The following FAM13A variants were observed in gnomAD, a reference collection of about 807,000 sequenced individuals.
FAM13A encodes protein FAM13A.
FAM13A carries 76 observed loss-of-function variants against 129.6 expected under a neutral mutation model. The ratio of observed to expected loss-of-function variants is 0.59; its 90% confidence interval spans 0.49 to 0.71. The LOEUF (loss-of-function observed/expected upper bound fraction) is 0.71. FAM13A is among the 30% of genes least tolerant of loss of function. The pLI is 0.00. For synonymous variants in FAM13A, 443 were observed against 449.9 expected (o/e 0.98, Z 0.20); for missense variants, 1,108 against 1,249.3 (o/e 0.89, Z 1.70).
At chr4:88,925,935 G>A (rs531554570) in intron 5 of FAM13A, among the ~76,000 whole-genome samples, 3 of 152,198 alleles carry the variant, frequency 2.0e-5, no homozygotes, top group Non-Finnish European at 2.9e-5. Flanking sequence ...GGTAGTATTT[G>A]AGATGTCTCA....
intron 19 of FAM13A, 46 bp from the exon 20 acceptor site, chr4:88,739,171 C>G (rs781378526): frequency 1.5e-6 from 2 of 1,303,432 alleles, no homozygotes; most frequent in Admixed American, 3.4e-5. Flanking sequence ...TGCTGGGAGT[C>G]ACAACCAGCT....
At position 89,029,486 on chromosome 4, in the gene FAM13A, T is replaced by C; in HGVS notation, c.191A>G (p.Asn64Ser). ...TENGIPAVVW[N>S]IVEYLTQHGL... is the part of the protein sequence containing the mutation. ...ATGCTGCGTCAAATATTCCACTATA[T>C]TCCACACTACTGCTGGAATGCCATT... Residue 64 changes from asparagine (N) to serine (S), a missense_variant, in exon 2 of 24, where the codon AAT (asparagine) becomes AGT (serine). Coordinates refer to ENST00000264344, the MANE Select transcript of FAM13A (RefSeq NM_014883.4). 6.3e-7 allele frequency: 1 copy of C among 1,599,076 alleles called. No homozygotes were observed. Among genetic ancestry groups the C allele is most frequent in the Non-Finnish European group, 8.5e-7 (1 of 1,176,104 alleles).
In FAM13A at chr4:89,057,045, A is replaced by C; in HGVS notation, c.-81T>G. On this transcript the variant is annotated 5_prime_UTR_variant, in exon 1 of 24. It removes the in-frame stop codon of an upstream open reading frame in the 5' UTR. Transcript: ENST00000264344. The stretch of plus-strand genomic sequence containing the variant: ...ACAGCAAAATACTAAAATTCCATTC[A>C]GCACATATTCTTTGATGTGAAAAAC... 6.3e-7 allele frequency: 1 copy of C among 1,598,148 alleles called. No homozygotes were observed. The highest frequency in any genetic ancestry group is 1.1e-5 in the South Asian group (1 of 88,546).
chr4:88,960,636 C>T (rs950842119), intron 4 of FAM13A, among the ~76,000 whole-genome samples: 5 of 152,108 alleles, frequency 3.3e-5, no homozygotes, highest in African/African-American at 9.7e-5. Context: ...GAGAAAAGAA[C>T]GAAGAAGCTA....
chr4:88,956,016 T>G (rs771143037), intron 4 of FAM13A, among the ~76,000 whole-genome samples: 23 of 152,204 alleles, frequency 1.5e-4, no homozygotes, highest in Non-Finnish European at 3.1e-4. Flanking sequence ...GGTAAACTAG[T>G]TACAGTAAGT....
At chr4:88,758,027 G>A (rs1196424226) in intron 14 of FAM13A, among the ~76,000 whole-genome samples, 1 of 152,092 alleles carries the variant, frequency 6.6e-6, no homozygotes, top group African/African-American at 2.4e-5. Flanking sequence ...GATCCACATT[G>A]GTATGTGTTT....
intron 2 of FAM13A, among the ~76,000 whole-genome samples, chr4:89,026,380 AT>A (rs1178084747): frequency 6.6e-6 from 1 of 152,244 alleles, no homozygotes; most frequent in Admixed American, 6.5e-5. Flanking sequence ...CCTTTTTACA[AT>A]TTATCTTCCT....
intron 1 of FAM13A, among the ~76,000 whole-genome samples, chr4:89,031,922 T>C (rs1235706146): frequency 1.3e-5 from 2 of 152,072 alleles, no homozygotes; most frequent in East Asian, 3.9e-4. Context: ...TATTTGAGTT[T>C]AAAACCTTGA....
chr4:88,941,109 C>T (rs184105148), intron 4 of FAM13A, among the ~76,000 whole-genome samples: 380 of 152,214 alleles, frequency 2.5e-3, no homozygotes, highest in Middle Eastern at 3.4e-3. Flanking sequence ...CATAGGAGAC[C>T]ATTGTTTTGG....
At chr4:88,961,346 C>T (rs1177880417) in intron 4 of FAM13A, among the ~76,000 whole-genome samples, 10 of 89,348 alleles carry the variant, frequency 1.1e-4, no homozygotes, top group Non-Finnish European at 2.1e-4. Context: ...GTGGAATTTG[C>T]CTTTTTTTTT....
At chr4:89,032,244 CAAAA>C (rs778575945) in intron 1 of FAM13A, among the ~76,000 whole-genome samples, 1 of 133,554 alleles carries the variant, frequency 7.5e-6, no homozygotes, top group African/African-American at 2.7e-5. Context: ...GACTCCGTCT[CAAAA>C]AAAAAAAAAA....
chr4:89,037,768 A>T (rs1322516326), intron 1 of FAM13A, among the ~76,000 whole-genome samples: 4 of 152,138 alleles, frequency 2.6e-5, no homozygotes, highest in Non-Finnish European at 5.9e-5. Context: ...ATAGTGAGTC[A>T]GTTCTCACAA....
At chr4:88,936,636 A>T (rs1753889053) in intron 5 of FAM13A, 1 of 152,940 alleles carries the variant, frequency 6.5e-6, no homozygotes, top group Non-Finnish European at 1.5e-5. Flanking sequence ...AACCATATCA[A>T]CTTCCCATTG....
intron 1 of FAM13A, among the ~76,000 whole-genome samples, chr4:89,050,723 T>C (rs1034477504): frequency 2.7e-5 from 4 of 149,518 alleles, no homozygotes; most frequent in Non-Finnish European, 5.9e-5. Context: ...AGGTCAGGAG[T>C]TCAAGACTAG....
intron 14 of FAM13A, 76 bp from the exon 15 acceptor site, chr4:88,750,713 C>T: frequency 1.3e-5 from 14 of 1,079,356 alleles, no homozygotes; most frequent in Non-Finnish European, 1.9e-5. Context: ...CAAGTGTTTC[C>T]CAGGCTTCCC....
At chr4:88,993,029 CA>C (rs1398122542) in intron 3 of FAM13A, among the ~76,000 whole-genome samples, 2 of 152,120 alleles carry the variant, frequency 1.3e-5, no homozygotes, top group Non-Finnish European at 2.9e-5. Flanking sequence ...AAACATATAG[CA>C]AATCAGACAC....
intron 8 of FAM13A, among the ~76,000 whole-genome samples, chr4:88,797,327 C>T (rs541396373): frequency 8.6e-5 from 13 of 150,312 alleles, no homozygotes; most frequent in African/African-American, 3.2e-4. Flanking sequence ...GGAGGGAGTA[C>T]AGTGGCATCA....
intron 8 of FAM13A, among the ~76,000 whole-genome samples, chr4:88,793,662 T>C (rs1481371197): frequency 6.6e-6 from 1 of 151,882 alleles, no homozygotes; most frequent in Non-Finnish European, 1.5e-5. Context: ...ACATAGAAAA[T>C]GAAAGGTCTG....
intron 1 of FAM13A, among the ~76,000 whole-genome samples, chr4:89,031,814 T>C (rs1016021607): frequency 1.3e-5 from 2 of 152,226 alleles, no homozygotes; most frequent in Non-Finnish European, 2.9e-5. Flanking sequence ...TCTGTAAGTA[T>C]GACCTTTGAA....
Sources: gnomAD v4.1 joint callset for allele counts (sites outside exome capture counted in the v4.1 genomes callset) on GRCh38, gnomAD v4.1.1 for gene constraint, MANE v1.5 for transcripts, NCBI Gene and HGNC (gene_info 2026-07-23, HGNC 2026-07-21) for gene names.